ATF7IP: variants seen among roughly 807,000 people sequenced by gnomAD.
The protein encoded by ATF7IP is activating transcription factor 7 interacting protein.
In ATF7IP, 23 loss-of-function variants were observed where a neutral mutation model predicts 106.4. The ratio of observed to expected loss-of-function variants is 0.22; its 90% CI spans 0.16 to 0.31. The LOEUF (loss-of-function observed/expected upper bound fraction) is 0.31. Ranked by LOEUF, ATF7IP falls within the 10% of genes least tolerant of loss-of-function variation. The pLI is 1.00. For missense variants in ATF7IP, 1,334 were observed against 1,524.3 expected (o/e 0.88, Z 2.08); for synonymous variants, 542 against 539.0 (o/e 1.01, Z -0.08).
intron 1 of ATF7IP, among the ~76,000 whole-genome samples, chr12:14,374,124 G>T (rs1484431070): frequency 1.3e-4 from 19 of 149,274 alleles, no homozygotes; most frequent in Admixed American, 1.3e-3. Flanking sequence ...TGAGACTAGG[G>T]TCTCACTCTG....
intron 6 of ATF7IP, among the ~76,000 whole-genome samples, chr12:14,448,185 T>C (rs1402735521): frequency 6.6e-6 from 1 of 152,210 alleles, no homozygotes; most frequent in Non-Finnish European, 1.5e-5. Flanking sequence ...AGAGGTTTTC[T>C]GTATTGATAC....
intron 12 of ATF7IP, among the ~76,000 whole-genome samples, chr12:14,478,924 A>C (rs1944347724): frequency 6.6e-6 from 1 of 152,158 alleles, no homozygotes; most frequent in African/African-American, 2.4e-5. Context: ...AGCCTTTACT[A>C]TGCTAATTTA....
At chr12:14,486,383 G>A (rs1323625357) in intron 13 of ATF7IP, among the ~76,000 whole-genome samples, 1 of 152,108 alleles carries the variant, frequency 6.6e-6, no homozygotes, top group African/African-American at 2.4e-5. Context: ...GATCTCCTTG[G>A]GGAAGGATGG....
At chr12:14,473,359 G>T (rs1389430626) in intron 10 of ATF7IP, among the ~76,000 whole-genome samples, 2 of 149,752 alleles carry the variant, frequency 1.3e-5, no homozygotes, top group Non-Finnish European at 3.0e-5. Context: ...TTTACAGTAT[G>T]TATCTAATCT....
intron 8 of ATF7IP, among the ~76,000 whole-genome samples, chr12:14,458,103 A>T (rs775951947): frequency 3.0e-4 from 45 of 151,702 alleles, no homozygotes; most frequent in Admixed American, 7.2e-4. Context: ...CTCAAAAAAA[A>T]AAATAATAAA....
At chr12:14,446,889 G>A (rs1401022389) in intron 5 of ATF7IP, 99 bp from the exon 6 acceptor site, 2 of 777,428 alleles carry the variant, frequency 2.6e-6, no homozygotes, top group Non-Finnish European at 3.7e-6. Context: ...TGAGGATCCT[G>A]TTTTCTATAG....
At chr12:14,411,187 A>G (rs946427952) in intron 1 of ATF7IP, among the ~76,000 whole-genome samples, 4 of 152,206 alleles carry the variant, frequency 2.6e-5, no homozygotes, top group Admixed American at 2.6e-4. Flanking sequence ...TGTGTTTCAC[A>G]TATTGTGGAA....
intron 10 of ATF7IP, among the ~76,000 whole-genome samples, chr12:14,472,412 A>G (rs1344359810): frequency 6.6e-6 from 1 of 152,206 alleles, no homozygotes; most frequent in Non-Finnish European, 1.5e-5. Flanking sequence ...ATCAGCACCA[A>G]GTGAATATTC....
Position 14,496,427 on chromosome 12 carries a change from G to A in ATF7IP, c.3393+84G>A. On this transcript the variant is annotated intron_variant, in intron 14 of 14. Transcript: ENST00000261168. ...GTATTTGGCATTTTTCTTTAAAATG[G>A]TTATATCCAAGGGAAGTGTTAGGTC... The A allele has an allele frequency of 3.4e-6, 3 of 871,552 alleles. No individual in the cohort carries two copies. The East Asian group carries it at 8.1e-5, about 24-fold the overall frequency. The allele number at this position is 871,552 out of a possible 1,614,324, so 54.0% of individuals were successfully genotyped here. A position where few individuals can be genotyped will look rare whatever the true frequency, so the allele number is the denominator to read the frequency against.
intron 5 of ATF7IP, among the ~76,000 whole-genome samples, chr12:14,439,961 T>A (rs1942617875): frequency 6.6e-6 from 1 of 152,180 alleles, no homozygotes; most frequent in African/African-American, 2.4e-5. Context: ...AAATTTGTAC[T>A]TAAATGTTGC....
At chr12:14,369,530 G>A (rs1354100601) in intron 1 of ATF7IP, among the ~76,000 whole-genome samples, 2 of 152,012 alleles carry the variant, frequency 1.3e-5, no homozygotes, top group Non-Finnish European at 2.9e-5. Flanking sequence ...TAGAGACGGG[G>A]TTTCCCCGTG....
chr12:14,418,847 A>G (rs909838203), intron 1 of ATF7IP, among the ~76,000 whole-genome samples: 2 of 152,144 alleles, frequency 1.3e-5, no homozygotes, highest in Non-Finnish European at 2.9e-5. Context: ...ACTGAAGTTA[A>G]TGACAATTTT....
chr12:14,385,619 T>C (rs1591768163), intron 1 of ATF7IP, among the ~76,000 whole-genome samples: 1 of 152,362 alleles, frequency 6.6e-6, no homozygotes, highest in Admixed American at 6.5e-5. Context: ...TGTTCTGTCA[T>C]TGCCAGAACA....
At chr12:14,399,076 T>C (rs1940036537) in intron 1 of ATF7IP, among the ~76,000 whole-genome samples, 1 of 152,178 alleles carries the variant, frequency 6.6e-6, no homozygotes, top group Non-Finnish European at 1.5e-5. Context: ...TTAAAGATGA[T>C]TGATCCTCAG....
At chr12:14,440,585 C>A (rs1264525032) in intron 5 of ATF7IP, among the ~76,000 whole-genome samples, 2 of 152,148 alleles carry the variant, frequency 1.3e-5, no homozygotes, top group African/African-American at 4.8e-5. Context: ...AATTCCATCT[C>A]TTTGTGTCTT....
In ATF7IP at chr12:14,451,307, A is replaced by G. The variant is rs968223417; in HGVS notation, c.1995+4254A>G. Among the ~76,000 whole-genome samples the G allele has an allele frequency of 2.0e-5, 3 of 151,276 alleles. No homozygotes were observed. The East Asian group carries it at 5.8e-4, about 29-fold the overall frequency. On this transcript the variant is annotated intron_variant, in intron 6 of 14. Transcript: ENST00000261168. ...GTTTTGTTAGTTAGCCTAGTTAAGG[A>G]TTTATCAATTTTGCTGATTTTTTTT...
chr12:14,421,804 T>C (rs2136539747), intron 1 of ATF7IP, among the ~76,000 whole-genome samples: 1 of 152,258 alleles, frequency 6.6e-6, no homozygotes, highest in African/African-American at 2.4e-5. Context: ...CTGCTGGGCA[T>C]GAAATAAAGT....
At chr12:14,380,028 G>A (rs1235025424) in intron 1 of ATF7IP, among the ~76,000 whole-genome samples, 2 of 152,004 alleles carry the variant, frequency 1.3e-5, no homozygotes, top group African/African-American at 4.8e-5. Flanking sequence ...ATATTTGGAT[G>A]GATACTCCAA....
At chr12:14,366,761 A>G (rs1264571074) in intron 1 of ATF7IP, among the ~76,000 whole-genome samples, 1 of 151,988 alleles carries the variant, frequency 6.6e-6, no homozygotes. Flanking sequence ...TATTTGGTAA[A>G]TTTTTCTGAT....
Sources: allele counts gnomAD v4.1 joint callset (sites outside exome capture counted in the v4.1 genomes callset), GRCh38; gene constraint gnomAD v4.1.1; transcripts MANE v1.5; gene names NCBI Gene and HGNC (gene_info 2026-07-23, HGNC 2026-07-21).